Variants in GMEB1 observed in about 807,000 individuals in gnomAD.
GMEB1 encodes glucocorticoid modulatory element binding protein 1, also known as glucocorticoid modulatory element-binding protein 1.
GMEB1 carries 6 observed loss-of-function variants against 52.4 expected under a neutral mutation model. That is an observed-to-expected ratio of 0.11 (90% CI 0.06 to 0.23). The LOEUF (loss-of-function observed/expected upper bound fraction) is 0.23. Among genes scored for constraint, GMEB1 ranks in the 10% least tolerant of loss-of-function variants. The pLI is 1.00. For synonymous variants in GMEB1, 255 were observed against 244.9 expected, an observed-to-expected ratio of 1.04 and a Z score of -0.38; for missense variants, 486 against 685.6, an observed-to-expected ratio of 0.71 and a Z score of 3.25.
At chr1:28,686,123 A>T (rs957040658) in intron 2 of GMEB1, among the ~76,000 whole-genome samples, 2 of 151,974 alleles carry the variant, frequency 1.3e-5, no homozygotes, top group Non-Finnish European at 2.9e-5. Flanking sequence ...GGAGGATCAC[A>T]TGAGCCCAGG....
At chr1:28,684,751 G>A (rs1457723804) in intron 2 of GMEB1, among the ~76,000 whole-genome samples, 1 of 151,988 alleles carries the variant, frequency 6.6e-6, no homozygotes, top group Non-Finnish European at 1.5e-5. Context: ...GGGTGAGGGG[G>A]TGATGAGAGG....
chr1:28,687,037 A>G (rs1027969674), intron 2 of GMEB1, among the ~76,000 whole-genome samples: 3 of 152,008 alleles, frequency 2.0e-5, no homozygotes, highest in African/African-American at 7.2e-5. Context: ...GAGGCTACTT[A>G]TTAAAAGACA....
At chr1:28,702,679 A>C in intron 7 of GMEB1, 110 bp downstream of exon 7, 3 of 886,294 alleles carry the variant, frequency 3.4e-6, no homozygotes, top group Non-Finnish European at 5.3e-6. Context: ...TTTCTCATGC[A>C]CGTAAATACT....
At chr1:28,694,790 T>A (rs1421387534) in intron 5 of GMEB1, among the ~76,000 whole-genome samples, 2 of 151,430 alleles carry the variant, frequency 1.3e-5, no homozygotes, top group Non-Finnish European at 2.9e-5. Context: ...CAGCTTCCTG[T>A]GTAGCTGGGA....
chr1:28,680,156 T>C, intron 1 of GMEB1, among the ~76,000 whole-genome samples: 1 of 152,022 alleles, frequency 6.6e-6, no homozygotes. Context: ...CAAGGCCGGA[T>C]GATCACTTGA....
chr1:28,714,563 A>C lies in GMEB1; in HGVS notation c.1482A>C (p.Leu494=). 1.9e-6 allele frequency: 3 copies of C among 1,614,170 alleles called. 1 individual carries two copies. In the South Asian group the frequency reaches 3.3e-5, roughly 18 times the overall value. ...PVELVAMESG[L]TSAIQAVEST... Reference sequence around the variant, plus strand: ...AATTGGTGGCCATGGAGTCCGGCCTAACCTCGGCAATTCAGGCTGTTGAAA... The same window carrying C: ...AATTGGTGGCCATGGAGTCCGGCCTCACCTCGGCAATTCAGGCTGTTGAAA... The change falls in exon 10 of 10, where the codon CTA becomes CTC. Residue 494 remains leucine (L), a synonymous_variant. Coordinates refer to ENST00000373816, the MANE Select transcript of GMEB1 (RefSeq NM_001319674.2).
At chr1:28,678,903 G>GTTTGT (rs543407542) in intron 1 of GMEB1, among the ~76,000 whole-genome samples, 2 of 151,372 alleles carry the variant, frequency 1.3e-5, no homozygotes, top group East Asian at 3.9e-4. Context: ...TTTTTTGTTT[G>GTTTGT]TTTGTTTTGT....
intron 4 of GMEB1, among the ~76,000 whole-genome samples, chr1:28,692,071 C>G (rs1343458347): frequency 6.7e-6 from 1 of 150,256 alleles, no homozygotes; most frequent in African/African-American, 2.5e-5. Context: ...AGTGCAGTGA[C>G]ATGATCTTGG....
In GMEB1 at chr1:28,698,413, C is replaced by T. The variant is rs186415438; in HGVS notation, c.598+1329C>T. On this transcript the variant is annotated intron_variant, in intron 6 of 9. Transcript: ENST00000373816. ...AAAGAAGCCTGGGCATGGTGGCTCA[C>T]GCCTGTAATCCCAGCACTTTGGGAG... Among the ~76,000 whole-genome samples, 408 of 151,218 alleles carry T rather than the reference C, an allele frequency of 2.7e-3. 2 individuals are homozygous for T. Among genetic ancestry groups the T allele is most frequent in the African/African-American group, 9.6e-3 (395 of 41,202 alleles).
At chr1:28,713,858 A>C (rs1002782144) in intron 9 of GMEB1, among the ~76,000 whole-genome samples, 10 of 152,130 alleles carry the variant, frequency 6.6e-5, no homozygotes, top group Non-Finnish European at 1.5e-5. Context: ...TATAGTGCGC[A>C]ATGATAGCAC....
intron 1 of GMEB1, among the ~76,000 whole-genome samples, chr1:28,669,173 GC>G (rs1445088039): frequency 1.3e-5 from 2 of 151,466 alleles, no homozygotes; most frequent in Admixed American, 1.3e-4. Flanking sequence ...GGGCCCCGGC[GC>G]CCCCGGACCG....
intron 1 of GMEB1, among the ~76,000 whole-genome samples, chr1:28,670,102 T>A (rs1391094319): frequency 6.6e-6 from 1 of 152,184 alleles, no homozygotes; most frequent in Non-Finnish European, 1.5e-5. Context: ...AGGGATTATC[T>A]TCTTCCTCCT....
intron 1 of GMEB1, among the ~76,000 whole-genome samples, 152 bp downstream of exon 1, chr1:28,668,991 T>TGCCGCC (rs912615987): frequency 1.5e-5 from 2 of 131,038 alleles, no homozygotes; most frequent in African/African-American, 5.5e-5. Flanking sequence ...GCCCTGTGCG[T>TGCCGCC]GCCGCCGCCG....
In GMEB1 at chr1:28,695,974, A is replaced by AT. The variant is rs71027287; in HGVS notation, c.441-949dup. Among the ~76,000 whole-genome samples the AT allele has an allele frequency of 1.7e-3, 196 of 117,698 alleles. 23 individuals carry two copies. Among genetic ancestry groups the AT allele is most frequent in the African/African-American group, 2.3e-3 (71 of 30,794 alleles). The allele number at this position is 117,698 out of a possible 152,430, so 77.2% of individuals were successfully genotyped here. On this transcript the variant is annotated intron_variant, in intron 5 of 9. Coordinates refer to ENST00000373816, the MANE Select transcript of GMEB1 (RefSeq NM_001319674.2). ...AAAAAAAAAAAAAAAAAAAAAAAAA[A>AT]TTTTCAGATGATTTGTATGCAGAAA...
chr1:28,674,588 T>A (rs563499679), intron 1 of GMEB1, among the ~76,000 whole-genome samples: 95 of 151,922 alleles, frequency 6.3e-4, no homozygotes, highest in South Asian at 5.2e-3. Flanking sequence ...GAGATGGGGT[T>A]TCTCCATGTT....
At chr1:28,677,599 T>C (rs1669216536) in intron 1 of GMEB1, among the ~76,000 whole-genome samples, 1 of 152,248 alleles carries the variant, frequency 6.6e-6, no homozygotes. Flanking sequence ...AAATGTGTTA[T>C]AGCACGGTGC....
At chr1:28,704,849 C>T (rs917250349) in intron 8 of GMEB1, among the ~76,000 whole-genome samples, 1 of 151,920 alleles carries the variant, frequency 6.6e-6, no homozygotes, top group Non-Finnish European at 1.5e-5. Context: ...CTCAGGTGAT[C>T]CCCCCGCCTC....
At chr1:28,669,729 AC>A (rs1214558994) in intron 1 of GMEB1, among the ~76,000 whole-genome samples, 1 of 152,030 alleles carries the variant, frequency 6.6e-6, no homozygotes, top group African/African-American at 2.4e-5. Flanking sequence ...GAACAAAGTA[AC>A]CCGCTCGGTC....
At chr1:28,688,383 G>A (rs1468072733) in intron 2 of GMEB1, among the ~76,000 whole-genome samples, 1 of 152,174 alleles carries the variant, frequency 6.6e-6, no homozygotes, top group East Asian at 1.9e-4. Flanking sequence ...GTATCACTGT[G>A]GAGGTAGTCA....
Sources: allele counts gnomAD v4.1 joint callset (sites outside exome capture counted in the v4.1 genomes callset), GRCh38; gene constraint gnomAD v4.1.1; transcripts MANE v1.5; gene names NCBI Gene and HGNC (gene_info 2026-07-23, HGNC 2026-07-21).